PLCB1: variants seen among roughly 807,000 people sequenced by gnomAD.
PLCB1 encodes 1-phosphatidylinositol 4,5-bisphosphate phosphodiesterase beta-1.
Under a neutral mutation model 161.8 loss-of-function variants are expected in PLCB1, and 46 were observed. The ratio of observed to expected loss-of-function variants is 0.28; its 90% confidence interval spans 0.22 to 0.36. The LOEUF (loss-of-function observed/expected upper bound fraction) is 0.36, where lower values mean the gene tolerates loss of function less well. Ranked by LOEUF, PLCB1 falls within the 10% of genes least tolerant of loss-of-function variation. PLCB1 has a pLI of 1.00. For missense variants in PLCB1, 1,016 were observed against 1,472.5 expected (o/e 0.69, Z 5.07); for synonymous variants, 517 against 503.7 (o/e 1.03, Z -0.35).
Position 8,791,847 on chromosome 20 carries a change from T to G in PLCB1, c.3423+1586T>G, listed in dbSNP as rs192297310. Among the ~76,000 whole-genome samples, 357 of 152,342 alleles carry G rather than the reference T, an allele frequency of 2.3e-3. 1 individual carries two copies. The highest frequency in any genetic ancestry group is 8.3e-3 in the African/African-American group (343 of 41,572). On this transcript the variant is annotated intron_variant, in intron 31 of 31. Coordinates refer to ENST00000338037, the MANE Select transcript of PLCB1 (RefSeq NM_015192.4). ...TGGAAGCACCCTTAAACTTCTTCCCTGGATATAACTGGACATGAAAAGAAC... is the reference window on the plus strand; with the variant it reads ...TGGAAGCACCCTTAAACTTCTTCCCGGGATATAACTGGACATGAAAAGAAC...
chr20:8,594,378 G>A (rs1051469428), intron 3 of PLCB1, among the ~76,000 whole-genome samples: 21 of 152,232 alleles, frequency 1.4e-4, no homozygotes, highest in East Asian at 5.8e-4. Context: ...ACTCCACCAC[G>A]CTACAATACA....
chr20:8,220,225 A>G (rs534195069), intron 2 of PLCB1, among the ~76,000 whole-genome samples: 12 of 152,302 alleles, frequency 7.9e-5, no homozygotes, highest in Admixed American at 7.2e-4. Context: ...CATTTTTAAG[A>G]TCAAAAGAGA....
intron 2 of PLCB1, among the ~76,000 whole-genome samples, chr20:8,159,920 G>A (rs2051603605): frequency 6.6e-6 from 1 of 150,640 alleles, no homozygotes; most frequent in Non-Finnish European, 1.5e-5. Context: ...CCTGGGAAGT[G>A]GAGGTTGCAG....
At chr20:8,177,631 ATTACTATTTTTAAAATTTTACT>A (rs2051796963) in intron 2 of PLCB1, among the ~76,000 whole-genome samples, 1 of 151,866 alleles carries the variant, frequency 6.6e-6, no homozygotes, top group South Asian at 2.1e-4. Context: ...TATTATTATT[ATTACTATTTTTAAAATTTTACT>A]TTACTCATGT....
intron 31 of PLCB1, among the ~76,000 whole-genome samples, chr20:8,851,660 C>CTAT (rs1337809263): frequency 4.6e-5 from 7 of 151,222 alleles, no homozygotes; most frequent in Admixed American, 4.6e-4. Context: ...CCAGCTGCTG[C>CTAT]TATCCATCAG....
At chr20:8,304,886 C>A (rs576551660) in intron 2 of PLCB1, among the ~76,000 whole-genome samples, 4 of 152,196 alleles carry the variant, frequency 2.6e-5, no homozygotes, top group South Asian at 2.1e-4. Context: ...CACTCTTAAC[C>A]CCAGCACTAT....
chr20:8,324,950 A>T (rs1600315872), intron 2 of PLCB1, among the ~76,000 whole-genome samples: 2 of 152,240 alleles, frequency 1.3e-5, no homozygotes, highest in East Asian at 3.8e-4. Context: ...TCCAAGAATG[A>T]AAATACTAAA....
At chr20:8,136,216 T>G (rs1471362436) in intron 1 of PLCB1, among the ~76,000 whole-genome samples, 1 of 152,234 alleles carries the variant, frequency 6.6e-6, no homozygotes, top group Non-Finnish European at 1.5e-5. Context: ...AACGGTAACA[T>G]GCAAATTGTA....
chr20:8,149,134 C>T (rs181791762), intron 1 of PLCB1, among the ~76,000 whole-genome samples: 2 of 152,250 alleles, frequency 1.3e-5, no homozygotes, highest in East Asian at 3.9e-4. Context: ...TATTTTGATA[C>T]ATCTGTTTTT....
chr20:8,797,544 A>C lies in PLCB1; in HGVS notation c.3423+7283A>C, dbSNP rs565103580. Reference sequence around the variant, plus strand: ...CAATTTTTTTTCCTACACTTTTTGCAATGCACCAATTTTTTGTTTAAACTT... The same window carrying C: ...CAATTTTTTTTCCTACACTTTTTGCCATGCACCAATTTTTTGTTTAAACTT... On this transcript the variant is annotated intron_variant, in intron 31 of 31. Coordinates refer to ENST00000338037, the MANE Select transcript of PLCB1 (RefSeq NM_015192.4). 2.0e-5 allele frequency among the ~76,000 whole-genome samples: 3 copies of C among 152,264 alleles called. No individual in the cohort carries two copies. In the East Asian group the frequency reaches 5.8e-4, roughly 29 times the overall value.
At chr20:8,565,952 A>G (rs1368637997) in intron 3 of PLCB1, among the ~76,000 whole-genome samples, 1 of 152,160 alleles carries the variant, frequency 6.6e-6, no homozygotes, top group East Asian at 1.9e-4. Context: ...AAGCCACCAC[A>G]GCAGCGCTGG....
rs367688920 is a variant in PLCB1 at position 8,470,413 on chromosome 20, C to T, written c.246+98963C>T. Among the ~76,000 whole-genome samples, 38 of 152,320 alleles carry T rather than the reference C, an allele frequency of 2.5e-4. 1 individual carries two copies. The South Asian group carries it at 7.9e-3, about 32-fold the overall frequency. On this transcript the variant is annotated intron_variant, in intron 3 of 31. Transcript: ENST00000338037. ...GATGATTCCACGTTCTCCACATTCTCACCAGCTCTTGCTAATATTTATCTT... is the reference window on the plus strand; with the variant it reads ...GATGATTCCACGTTCTCCACATTCTTACCAGCTCTTGCTAATATTTATCTT...
At chr20:8,166,445 C>T (rs555639632) in intron 2 of PLCB1, among the ~76,000 whole-genome samples, 9 of 152,294 alleles carry the variant, frequency 5.9e-5, no homozygotes, top group South Asian at 2.1e-4. Context: ...GCCACATGTT[C>T]GCAATCTACT....
chr20:8,541,562 G>GAGAAAGAAAGAAAGAAAGAA (rs11467115), intron 3 of PLCB1, among the ~76,000 whole-genome samples: 14,586 of 114,050 alleles, frequency 0.13, 1,297 homozygotes, highest in African/African-American at 0.18. Flanking sequence ...AAGGAAGAAA[G>GAGAAAGAAAGAAAGAAAGAA]AGAAAGAAAG....
At chr20:8,838,105 GA>G (rs1986362414) in intron 31 of PLCB1, among the ~76,000 whole-genome samples, 3 of 151,482 alleles carry the variant, frequency 2.0e-5, no homozygotes, top group Non-Finnish European at 2.9e-5. Context: ...CCTGAATCAT[GA>G]AAGCATAGAG....
chr20:8,875,120 A>G (rs190157010), intron 31 of PLCB1, among the ~76,000 whole-genome samples: 21 of 151,650 alleles, frequency 1.4e-4, no homozygotes, highest in Admixed American at 6.6e-5. Flanking sequence ...TGTATTGTAT[A>G]TATATTCTTT....
intron 2 of PLCB1, among the ~76,000 whole-genome samples, chr20:8,328,231 CATG>C (rs1349797402): frequency 6.6e-6 from 1 of 152,068 alleles, no homozygotes; most frequent in African/African-American, 2.4e-5. Context: ...TCAACCTGTA[CATG>C]ATAACATGAC....
At chr20:8,803,267 A>G (rs1984368163) in intron 31 of PLCB1, among the ~76,000 whole-genome samples, 1 of 151,942 alleles carries the variant, frequency 6.6e-6, no homozygotes, top group Admixed American at 6.6e-5. Flanking sequence ...AGTAGCTCCC[A>G]GGGGATGTTG....
At chr20:8,711,203 C>T (rs1046770169) in intron 12 of PLCB1, among the ~76,000 whole-genome samples, 6 of 152,156 alleles carry the variant, frequency 3.9e-5, no homozygotes, top group Non-Finnish European at 8.8e-5. Context: ...CACTTTTAAC[C>T]AACACATCTC....
Sources: gnomAD v4.1 joint callset for allele counts (sites outside exome capture counted in the v4.1 genomes callset) on GRCh38, gnomAD v4.1.1 for gene constraint, MANE v1.5 for transcripts, NCBI Gene and HGNC (gene_info 2026-07-23, HGNC 2026-07-21) for gene names.